LARP6: variants seen among roughly 807,000 people sequenced by gnomAD.
The protein encoded by LARP6 is la-related protein 6.
Under a neutral mutation model 32.8 loss-of-function variants are expected in LARP6, and 18 were observed. The observed-to-expected ratio is 0.55, with a 90% CI of 0.38 to 0.81. The LOEUF is 0.81. Ranked by LOEUF, LARP6 falls within the 40% of genes least tolerant of loss-of-function variation. LARP6 has a pLI of 0.00. For missense variants in LARP6, 598 were observed against 663.1 expected (o/e 0.90, Z 1.08); for synonymous variants, 289 against 267.2 (o/e 1.08, Z -0.80).
intron 1 of LARP6, chr15:70,851,621 T>C: frequency 6.2e-7 from 1 of 1,610,348 alleles, no homozygotes; most frequent in Non-Finnish European, 8.5e-7. Flanking sequence ...AGATACGCAT[T>C]CAGTCAACAA....
At chr15:70,846,895 G>A (rs1180196577) in intron 1 of LARP6, among the ~76,000 whole-genome samples, 1 of 152,046 alleles carries the variant, frequency 6.6e-6, no homozygotes, top group Admixed American at 6.6e-5. Flanking sequence ...CACACATTAA[G>A]GTCCATCTTA....
chr15:70,854,021 T>C lies in LARP6; in HGVS notation c.68A>G (p.Gln23Arg). Reference sequence around the variant, plus strand: ...CAACTCGTCCACGTCCTCGGCCTCCTGGATGGCGACGCGGATCTGCACCGC... The same window carrying C: ...CAACTCGTCCACGTCCTCGGCCTCCCGGATGGCGACGCGGATCTGCACCGC... ...KTAVQIRVAI[Q>R]EAEDVDELED... Residue 23 changes from glutamine (Q) to arginine (R), a missense_variant, in exon 1 of 3, where the codon CAG becomes CGG. Gln to Arg is a conservative substitution (Grantham distance 43, BLOSUM62 1). Around this residue, in one of 3 missense-constraint regions of LARP6, gnomAD observed 161 missense variants for 148.6 expected, o/e 1.08. Transcript: ENST00000299213. The C allele has an allele frequency of 6.9e-7, 1 of 1,455,394 alleles. No individual in the cohort carries two copies. The highest frequency in any genetic ancestry group is 9.1e-7 in the Non-Finnish European group (1 of 1,097,786). 90.2% of individuals were successfully genotyped at this position (1,455,394 alleles called of 1,614,324 possible).
intron 1 of LARP6, among the ~76,000 whole-genome samples, chr15:70,843,695 G>A (rs1207838867): frequency 1.3e-4 from 15 of 117,276 alleles, no homozygotes; most frequent in Middle Eastern, 7.5e-3. Context: ...TCACTCTGTC[G>A]CCCAGGCTGG....
intron 2 of LARP6, 26 bp from the exon 3 acceptor site, chr15:70,833,142 A>T (rs763280533): frequency 2.5e-6 from 4 of 1,583,298 alleles, no homozygotes; most frequent in Non-Finnish European, 3.5e-6. Context: ...CAAATCTGAA[A>T]TAGTATCTAA....
At chr15:70,839,786 A>G (rs1044263734) in intron 1 of LARP6, among the ~76,000 whole-genome samples, 1 of 152,122 alleles carries the variant, frequency 6.6e-6, no homozygotes, top group African/African-American at 2.4e-5. Context: ...TAAAAACTTA[A>G]TGTTATGGCC....
intron 1 of LARP6, among the ~76,000 whole-genome samples, chr15:70,838,782 A>G (rs924110243): frequency 6.6e-6 from 1 of 152,206 alleles, no homozygotes; most frequent in Non-Finnish European, 1.5e-5. Context: ...AGGTAGTTAT[A>G]AGAGTTGGTT....
Position 70,832,701 on chromosome 15 carries a change from A to T in LARP6, c.827T>A (p.Met276Lys). Residue 276 changes from methionine (M) to lysine (K), a missense_variant, in exon 3 of 3, where the codon ATG (methionine) becomes AAG (lysine). Physicochemically the swap from Met to Lys is moderately conservative, Grantham distance 95. Transcript: ENST00000299213. ...CTCTTTGCCCTGAGATTCTGTGATC[A>T]TGAACTCATGGGCTTTGATGGCTGC... ...VEAAIKAHEF[M>K]ITESQGKENM... 1 of 1,605,566 alleles carries T rather than the reference A, an allele frequency of 6.2e-7. No homozygotes were observed. Among genetic ancestry groups the T allele is most frequent in the Non-Finnish European group, 8.5e-7 (1 of 1,176,840 alleles).
chr15:70,845,766 G>C (rs2032334707), intron 1 of LARP6, among the ~76,000 whole-genome samples: 1 of 152,196 alleles, frequency 6.6e-6, no homozygotes, highest in Non-Finnish European at 1.5e-5. Context: ...ACTCCCACTG[G>C]TTTTCTTCCT....
In LARP6 at chr15:70,832,726, C is replaced by A. The variant is rs1226932354; in HGVS notation, c.802G>T (p.Ala268Ser). 6 of 1,598,092 alleles carry A rather than the reference C, an allele frequency of 3.8e-6. No individual in the cohort carries two copies. The highest frequency in any genetic ancestry group is 5.1e-6 in the Non-Finnish European group (6 of 1,173,864). The change falls in exon 3 of 3, where the codon GCA (alanine) becomes TCA (serine). Residue 268 changes from alanine (A) to serine (S), a missense_variant. Ala to Ser is a moderately conservative substitution (Grantham distance 99). Transcript: ENST00000299213. The part of the protein sequence containing the change: ...CAIVEFEEVE[A>S]AIKAHEFMIT... ...ATGAACTCATGGGCTTTGATGGCTG[C>A]TTCCACCTCCTCGAACTCCACGATG...
At chr15:70,847,670 T>G (rs1855500663) in intron 1 of LARP6, among the ~76,000 whole-genome samples, 1 of 152,032 alleles carries the variant, frequency 6.6e-6, no homozygotes, top group Non-Finnish European at 1.5e-5. Flanking sequence ...GTAAATGATT[T>G]AGAGAAACAA....
At chr15:70,849,395 AT>A (rs199635918) in intron 1 of LARP6, 1,673 of 155,998 alleles carry the variant, frequency 0.011, 29 homozygotes, top group African/African-American at 0.037. Flanking sequence ...AAACAAAAAA[AT>A]ATATATATAT....
intron 1 of LARP6, among the ~76,000 whole-genome samples, chr15:70,843,365 G>A (rs1324509197): frequency 6.6e-6 from 1 of 152,100 alleles, no homozygotes; most frequent in Non-Finnish European, 1.5e-5. Context: ...GAATAAAATA[G>A]TAGGGAACTT....
At chr15:70,836,899 G>T (rs1186947833) in intron 1 of LARP6, among the ~76,000 whole-genome samples, 1 of 151,974 alleles carries the variant, frequency 6.6e-6, no homozygotes, top group Non-Finnish European at 1.5e-5. Flanking sequence ...CTTGATTTCG[G>T]GCTTCAGGCC....
chr15:70,832,476 G>C lies in LARP6; in HGVS notation c.1052C>G (p.Ala351Gly). ...GTTGGTGGCCGCGTGCCGTCGGCCC[G>C]CCATAGGGGATGTGGGGTTGCTCTC... is the stretch of plus-strand genomic sequence containing the variant. ...DPESNPTSPM[A>G]GRRHAATNKL... The change falls in exon 3 of 3, where the codon GCG becomes GGG. Residue 351 changes from alanine to glycine, a missense_variant. Coordinates refer to ENST00000299213, the MANE Select transcript of LARP6 (RefSeq NM_018357.4). 1 of 1,550,838 alleles carries C rather than the reference G, an allele frequency of 6.4e-7. No individual in the cohort carries two copies. The highest frequency in any genetic ancestry group is 8.7e-7 in the Non-Finnish European group (1 of 1,151,672).
chr15:70,851,521 A>G, intron 1 of LARP6: 1 of 1,479,138 alleles, frequency 6.8e-7, no homozygotes, highest in Non-Finnish European at 9.0e-7. Flanking sequence ...ACAAAAAGGA[A>G]TAAGATAAGG....
At chr15:70,846,454 T>C (rs1489439878) in intron 1 of LARP6, among the ~76,000 whole-genome samples, 4 of 151,910 alleles carry the variant, frequency 2.6e-5, no homozygotes, top group African/African-American at 9.7e-5. Context: ...ACAAAAAATT[T>C]AAAAATTAGC....
rs763744864 is a variant in LARP6, at chr15:70,832,535, A to G, written c.993T>C (p.Gly331=). ...NKRVEELQYM[G]DESSANSSSD... ...AGGAGCTGTTGGCAGAAGACTCATC[A>G]CCCATGTACTGAAGCTCCTCGACTC... is the stretch of plus-strand genomic sequence containing the variant. Residue 331 remains glycine, a synonymous_variant, in exon 3 of 3, where the codon GGT becomes GGC. Transcript: ENST00000299213. 1.3e-6 allele frequency: 2 copies of G among 1,547,692 alleles called. No homozygotes were observed. Among genetic ancestry groups the G allele is most frequent in the East Asian group, 2.2e-5 (1 of 44,466 alleles).
chr15:70,835,689 A>C (rs1298225462), intron 2 of LARP6, among the ~76,000 whole-genome samples: 1 of 152,104 alleles, frequency 6.6e-6, no homozygotes, highest in Non-Finnish European at 1.5e-5. Flanking sequence ...TAGTCTGTCA[A>C]CTCTCTGAGA....
At chr15:70,844,652 T>A (rs974653192) in intron 1 of LARP6, among the ~76,000 whole-genome samples, 41 of 152,246 alleles carry the variant, frequency 2.7e-4, no homozygotes, top group African/African-American at 9.9e-4. Context: ...GTTTATTTTT[T>A]CTTTCATATG....
Sources: allele counts gnomAD v4.1 joint callset (sites outside exome capture counted in the v4.1 genomes callset), GRCh38; gene constraint gnomAD v4.1.1; regional missense constraint gnomAD v4.1.1; transcripts MANE v1.5; gene names NCBI Gene and HGNC (gene_info 2026-07-23, HGNC 2026-07-21).